PSKH1: variants seen among roughly 807,000 people sequenced by gnomAD.
PSKH1 encodes serine/threonine-protein kinase H1.
PSKH1 carries 12 observed loss-of-function variants against 26.7 expected under a neutral mutation model. That is an observed-to-expected ratio of 0.45 (90% CI 0.29 to 0.73). PSKH1 has a LOEUF of 0.73. PSKH1 is among the 30% of genes least tolerant of loss of function. The pLI is 0.11. For synonymous variants in PSKH1, 213 were observed against 234.3 expected (o/e 0.91, Z 0.83); for missense variants, 431 against 595.2 (o/e 0.72, Z 2.87).
intron 2 of PSKH1, among the ~76,000 whole-genome samples, chr16:67,921,248 G>A (rs1418671252): frequency 2.6e-5 from 4 of 151,744 alleles, no homozygotes; most frequent in Non-Finnish European, 4.4e-5. Context: ...ACTCCAGCCT[G>A]GGCAACAAGA....
chr16:67,922,798 G>T (rs1233459567), intron 2 of PSKH1, among the ~76,000 whole-genome samples: 1 of 152,204 alleles, frequency 6.6e-6, no homozygotes, highest in East Asian at 1.9e-4. Context: ...CCACTCAGAA[G>T]ACACACCAAG....
At chr16:67,919,069 G>C (rs1006348630) in intron 2 of PSKH1, among the ~76,000 whole-genome samples, 2 of 152,168 alleles carry the variant, frequency 1.3e-5, no homozygotes, top group Non-Finnish European at 2.9e-5. Context: ...ATGTCACAAG[G>C]AGCAGCCATG....
At position 67,928,087 on chromosome 16, in the gene PSKH1, T is replaced by A. The variant is rs1344508202; in HGVS notation, c.*445T>A. The A allele has an allele frequency of 6.0e-6, 1 of 165,500 alleles. No individual in the cohort carries two copies. Among genetic ancestry groups the A allele is most frequent in the African/African-American group, 2.4e-5 (1 of 41,884 alleles). The allele number at this position is 165,500 out of a possible 1,614,324, so 10.3% of individuals were successfully genotyped here. On this transcript the variant is annotated 3_prime_UTR_variant, in exon 3 of 3. Transcript: ENST00000291041. This position sits in a 1 kb window ranked among gnomAD's most constrained non-coding sequence, Gnocchi z 4.8. ...CCTCCACAGAGCCCTTCTCCCTGGT[T>A]TCACACATTCCCATGCATCCTGATC...
chr16:67,916,266 G>A lies in PSKH1; in HGVS notation c.957+6560G>A, dbSNP rs183090125. Among the ~76,000 whole-genome samples the A allele has an allele frequency of 4.6e-5, 7 of 152,308 alleles. No individual in the cohort carries two copies. The East Asian group carries it at 1.2e-3, about 25-fold the overall frequency. ...TTGGAGGTATGCATTCTTCACCAGCGAGTGTCTCGTGGTGCTTGGTGCCTT... is the reference window on the plus strand; with the variant it reads ...TTGGAGGTATGCATTCTTCACCAGCAAGTGTCTCGTGGTGCTTGGTGCCTT... On this transcript the variant is annotated intron_variant, in intron 2 of 2. Transcript: ENST00000291041.
intron 2 of PSKH1, among the ~76,000 whole-genome samples, chr16:67,921,339 GC>G (rs1353303917): frequency 6.6e-6 from 1 of 152,004 alleles, no homozygotes; most frequent in Non-Finnish European, 1.5e-5. Flanking sequence ...ACTTTGGGAG[GC>G]CGAGGCGGGC....
At chr16:67,913,304 G>A (rs1285997675) in intron 2 of PSKH1, among the ~76,000 whole-genome samples, 1 of 151,888 alleles carries the variant, frequency 6.6e-6, no homozygotes, top group African/African-American at 2.4e-5. Context: ...GCGCCACCAC[G>A]CACGGCTAAT....
In PSKH1 at chr16:67,927,192, G is replaced by A. The variant is rs149391601; in HGVS notation, c.958-133G>A. 583 of 887,182 alleles carry A rather than the reference G, an allele frequency of 6.6e-4. 4 individuals carry two copies. In the African/African-American group the frequency reaches 9.2e-3, roughly 14 times the overall value. The allele number at this position is 887,182 out of a possible 1,614,324, so 55.0% of individuals were successfully genotyped here. On this transcript the variant is annotated intron_variant, in intron 2 of 2. Coordinates refer to ENST00000291041, the MANE Select transcript of PSKH1 (RefSeq NM_006742.3). The surrounding 1 kb of genome is among the most constrained non-coding windows in gnomAD (Gnocchi z 5.5). ...AGCCTGAGCCAGCGTTGGGCGGGGAGGCCCCAAGTGCTACATGAGAGGAGG... is the reference window on the plus strand; with the variant it reads ...AGCCTGAGCCAGCGTTGGGCGGGGAAGCCCCAAGTGCTACATGAGAGGAGG...
chr16:67,901,720 G>A (rs1264217016), intron 1 of PSKH1, among the ~76,000 whole-genome samples: 4 of 149,780 alleles, frequency 2.7e-5, no homozygotes. Context: ...CTGCAGCCTC[G>A]ACTTCCCTGG....
intron 2 of PSKH1, among the ~76,000 whole-genome samples, chr16:67,920,381 C>T (rs2058198859): frequency 6.6e-6 from 1 of 152,136 alleles, no homozygotes; most frequent in Non-Finnish European, 1.5e-5. Context: ...CCTGCCTCAG[C>T]CTTCCGAGTA....
intron 1 of PSKH1, among the ~76,000 whole-genome samples, chr16:67,900,897 T>TC (rs1756787114): frequency 6.6e-6 from 1 of 152,142 alleles, no homozygotes; most frequent in Non-Finnish European, 1.5e-5. Context: ...CCTACCGTGA[T>TC]CTCTGGGCTA....
chr16:67,926,810 C>T (rs1380977608), intron 2 of PSKH1, among the ~76,000 whole-genome samples: 1 of 152,136 alleles, frequency 6.6e-6, no homozygotes, highest in Non-Finnish European at 1.5e-5. Context: ...TTCCTTTCCT[C>T]CCCATGCCGG....
Position 67,909,949 on chromosome 16 carries a change from G to C in PSKH1, c.957+243G>C. ...GTGATTTGAGTAACTAAAAGTGAAG[G>C]AGTGGGAAAAGTGAGGCAGGAAGGG... On this transcript the variant is annotated intron_variant, in intron 2 of 2. Transcript: ENST00000291041. This position sits in a 1 kb window ranked among gnomAD's most constrained non-coding sequence, Gnocchi z 7.8. 1 of 568,226 alleles carries C rather than the reference G, an allele frequency of 1.8e-6. No homozygotes were observed. Among genetic ancestry groups the C allele is most frequent in the Non-Finnish European group, 3.1e-6 (1 of 319,116 alleles). 35.2% of individuals were successfully genotyped at this position (568,226 alleles called of 1,614,324 possible). A position where few individuals can be genotyped will look rare whatever the true frequency, so the allele number is the denominator to read the frequency against.
At chr16:67,894,273 C>T (rs1207584157) in intron 1 of PSKH1, among the ~76,000 whole-genome samples, 1 of 152,184 alleles carries the variant, frequency 6.6e-6, no homozygotes, top group Non-Finnish European at 1.5e-5. Context: ...CCGCCTCAAC[C>T]TCCCGAGTAG....
chr16:67,896,136 G>A (rs2058125815), intron 1 of PSKH1, among the ~76,000 whole-genome samples: 1 of 150,498 alleles, frequency 6.6e-6, no homozygotes, highest in African/African-American at 2.4e-5. Context: ...TTGAGATGAT[G>A]TCTCGCTCTG....
At chr16:67,916,212 T>G (rs1315856389) in intron 2 of PSKH1, among the ~76,000 whole-genome samples, 2 of 152,206 alleles carry the variant, frequency 1.3e-5, no homozygotes, top group Non-Finnish European at 2.9e-5. Flanking sequence ...TGTTGCTGTG[T>G]GAATGAAGGA....
intron 2 of PSKH1, among the ~76,000 whole-genome samples, chr16:67,925,437 C>A (rs2058213338): frequency 1.3e-5 from 2 of 152,048 alleles, no homozygotes; most frequent in Non-Finnish European, 2.9e-5. Flanking sequence ...TGTGATCCAC[C>A]TGCCTCAGCC....
intron 2 of PSKH1, among the ~76,000 whole-genome samples, chr16:67,920,931 G>T (rs1156388098): frequency 2.0e-5 from 3 of 151,884 alleles, no homozygotes; most frequent in Non-Finnish European, 4.4e-5. Flanking sequence ...GGATGAGATG[G>T]TTACAGTCAC....
Position 67,899,597 on chromosome 16 carries a change from A to G in PSKH1, c.-71+6226A>G, listed in dbSNP as rs576370055. 2.0e-5 allele frequency among the ~76,000 whole-genome samples: 3 copies of G among 152,030 alleles called. No homozygotes were observed. In the South Asian group the frequency reaches 6.2e-4, roughly 32 times the overall value. ...TGATCGGCCCGCCTTGGCCTCCCAA[A>G]ATGCCGGGATTACAGGCATGAGCCA... is the stretch of plus-strand genomic sequence containing the variant. On this transcript the variant is annotated intron_variant, in intron 1 of 2. Coordinates refer to ENST00000291041, the MANE Select transcript of PSKH1 (RefSeq NM_006742.3).
At chr16:67,904,928 G>A (rs541006475) in intron 1 of PSKH1, among the ~76,000 whole-genome samples, 2 of 147,428 alleles carry the variant, frequency 1.4e-5, no homozygotes, top group East Asian at 2.0e-4. Flanking sequence ...CCGCATTCAC[G>A]CCATTCTCCT....
Sources: gnomAD v4.1 joint callset for allele counts (sites outside exome capture counted in the v4.1 genomes callset) on GRCh38, gnomAD v4.1.1 for gene constraint, Gnocchi (gnomAD v3.1) non-coding constraint, MANE v1.5 for transcripts, NCBI Gene and HGNC (gene_info 2026-07-23, HGNC 2026-07-21) for gene names.